The following ZSCAN5A variants were observed in gnomAD, a reference collection of about 807,000 sequenced individuals.
ZSCAN5A encodes zinc finger and SCAN domain containing 5A.
A neutral mutation model predicts 23.7 loss-of-function variants in ZSCAN5A; 12 were observed. That is an observed-to-expected ratio of 0.51 (90% CI 0.32 to 0.82). The LOEUF (loss-of-function observed/expected upper bound fraction) is 0.82, where lower values mean the gene tolerates loss of function less well. ZSCAN5A is among the 40% of genes least tolerant of loss of function. ZSCAN5A has a pLI of 0.03. For synonymous variants in ZSCAN5A, 257 were observed against 239.9 expected, an observed-to-expected ratio of 1.07 and a Z score of -0.66; for missense variants, 597 against 617.9, an observed-to-expected ratio of 0.97 and a Z score of 0.36.
intron 2 of ZSCAN5A, among the ~76,000 whole-genome samples, chr19:56,249,052 C>T (rs1253362136): frequency 6.6e-6 from 1 of 152,072 alleles, no homozygotes; most frequent in Non-Finnish European, 1.5e-5. Flanking sequence ...TATCTCCCCG[C>T]CCCAGATGGT....
Position 56,302,558 on chromosome 19 carries a change from TCCC to T in ZSCAN5A, c.-128+10722_-128+10724del, listed in dbSNP as rs1164203036. Among the ~76,000 whole-genome samples, 12 of 29,248 alleles carry T rather than the reference TCCC, an allele frequency of 4.1e-4. No homozygotes were observed. In the East Asian group the frequency reaches 6.8e-3, roughly 17 times the overall value. 19.2% of individuals were successfully genotyped at this position (29,248 alleles called of 152,430 possible). On this transcript the variant is annotated intron_variant, in intron 2 of 5. Transcript: ENST00000683990. ...TTCTTCCTCCCCGTTCCTCCCTCCC[TCCC>T]CCCTTCCTTTTCTTCCTCCCCCTTT...
chr19:56,315,776 A>T (rs2147412846), upstream of ZSCAN5A: 1 of 152,308 alleles, frequency 6.6e-6, no homozygotes, highest in East Asian at 1.9e-4. Context: ...CAGTTTCCGC[A>T]TAGGTAAAGT....
chr19:56,350,852 AAT>A (rs2041663229), intron 2 of ZSCAN5A, among the ~76,000 whole-genome samples: 1 of 151,562 alleles, frequency 6.6e-6, no homozygotes, highest in South Asian at 2.1e-4. Flanking sequence ...TTTATTAAAT[AAT>A]GTTTTATTTA....
chr19:56,285,994 C>T (rs1234178395), intron 2 of ZSCAN5A, among the ~76,000 whole-genome samples: 2 of 152,134 alleles, frequency 1.3e-5, no homozygotes, highest in Non-Finnish European at 1.5e-5. Context: ...TTTCCCCACA[C>T]CTTCAGCAGC....
intron 2 of ZSCAN5A, chr19:56,244,161 C>T: frequency 1.9e-6 from 3 of 1,609,878 alleles, no homozygotes; most frequent in Non-Finnish European, 2.6e-6. Flanking sequence ...GACTGGGACC[C>T]TGAGACTTGT....
At chr19:56,244,286 C>A (rs1334366545) in intron 2 of ZSCAN5A, 9 of 1,609,814 alleles carry the variant, frequency 5.6e-6, no homozygotes, top group South Asian at 1.1e-5. Flanking sequence ...CACCAAAGAG[C>A]AGATCCTGGA....
chr19:56,247,715 G>A lies in ZSCAN5A; in HGVS notation c.-127-22542C>T, dbSNP rs191893664. On this transcript the variant is annotated intron_variant, in intron 2 of 5. Coordinates refer to ENST00000683990, the MANE Select transcript of ZSCAN5A (RefSeq NM_001322064.3). ...TTTCTTTTATTATTTTTTTTGAGAC[G>A]GAGTCTTGTTCTGTCACCCAGGCTG... 2.9e-3 allele frequency among the ~76,000 whole-genome samples: 447 copies of A among 151,982 alleles called. 12 individuals carry two copies. Among genetic ancestry groups the A allele is most frequent in the East Asian group, 9.7e-4 (5 of 5,172 alleles).
intron 2 of ZSCAN5A, among the ~76,000 whole-genome samples, chr19:56,327,104 A>G (rs2041441621): frequency 6.6e-6 from 1 of 151,674 alleles, no homozygotes; most frequent in African/African-American, 2.4e-5. Flanking sequence ...TCAGGTGTCC[A>G]TTAGGATTTA....
intron 2 of ZSCAN5A, among the ~76,000 whole-genome samples, chr19:56,328,354 A>C (rs893921316): frequency 3.9e-5 from 6 of 152,194 alleles, no homozygotes; most frequent in Admixed American, 2.6e-4. Flanking sequence ...CATTAAAAAA[A>C]CATATTTGTG....
chr19:56,272,485 CTTTT>C (rs894188002), intron 2 of ZSCAN5A, among the ~76,000 whole-genome samples: 2 of 152,104 alleles, frequency 1.3e-5, no homozygotes, highest in African/African-American at 4.8e-5. Flanking sequence ...GAAATATTTT[CTTTT>C]GTTTTTTCCC....
intron 2 of ZSCAN5A, among the ~76,000 whole-genome samples, chr19:56,339,865 T>C (rs1422673089): frequency 6.6e-6 from 1 of 152,196 alleles, no homozygotes; most frequent in East Asian, 1.9e-4. Context: ...TTTAGCAATA[T>C]GTAAAGGAGG....
chr19:56,271,533 G>A (rs148728396), intron 2 of ZSCAN5A, among the ~76,000 whole-genome samples: 3 of 152,260 alleles, frequency 2.0e-5, no homozygotes, highest in African/African-American at 7.2e-5. Context: ...CACAAAGGAG[G>A]GGAGCTCTGA....
chr19:56,365,727 C>T (rs529771350), intron 1 of ZSCAN5A: 1 of 152,334 alleles, frequency 6.6e-6, no homozygotes, highest in South Asian at 2.1e-4. Flanking sequence ...AGAGCAGAAA[C>T]TCACAAGCAG....
At chr19:56,245,774 T>C (rs1037290722) in intron 2 of ZSCAN5A, among the ~76,000 whole-genome samples, 4 of 152,150 alleles carry the variant, frequency 2.6e-5, no homozygotes, top group African/African-American at 9.7e-5. Flanking sequence ...TTTCTACAGA[T>C]TGTCAATTTC....
intron 2 of ZSCAN5A, chr19:56,281,795 C>G: frequency 3.0e-6 from 2 of 658,136 alleles, no homozygotes; most frequent in Non-Finnish European, 3.8e-6. Flanking sequence ...TGCTGACGAT[C>G]ACATTCAACC....
intron 2 of ZSCAN5A, chr19:56,321,531 C>T: frequency 1.4e-6 from 1 of 733,548 alleles, no homozygotes; most frequent in African/African-American, 1.8e-5. Context: ...CTTTCGCTGT[C>T]TGTCTGGGTG....
intron 2 of ZSCAN5A, among the ~76,000 whole-genome samples, chr19:56,304,249 T>A (rs765375984): frequency 2.0e-5 from 3 of 152,118 alleles, no homozygotes; most frequent in Non-Finnish European, 4.4e-5. Flanking sequence ...AAGGAACTGC[T>A]TATGCGCTGG....
At chr19:56,248,534 G>T (rs1369344838) in intron 2 of ZSCAN5A, among the ~76,000 whole-genome samples, 6 of 152,052 alleles carry the variant, frequency 3.9e-5, no homozygotes, top group Non-Finnish European at 7.4e-5. Context: ...GCTATTACGG[G>T]TGTGAGCCAC....
intron 2 of ZSCAN5A, among the ~76,000 whole-genome samples, chr19:56,244,822 G>A (rs1224341330): frequency 2.0e-5 from 3 of 151,452 alleles, no homozygotes; most frequent in Non-Finnish European, 4.4e-5. Context: ...AGGGAAGGAG[G>A]CATTAGAGTG....
Sources: allele counts gnomAD v4.1 joint callset (sites outside exome capture counted in the v4.1 genomes callset), GRCh38; gene constraint gnomAD v4.1.1; transcripts MANE v1.5; gene names NCBI Gene and HGNC (gene_info 2026-07-23, HGNC 2026-07-21).